UBE4B: variants seen among roughly 807,000 people sequenced by gnomAD.
UBE4B encodes ubiquitin conjugation factor E4 B.
A neutral mutation model predicts 148.1 loss-of-function variants in UBE4B; 27 were observed. The observed-to-expected ratio is 0.18, with a 90% confidence interval of 0.13 to 0.25. The LOEUF (loss-of-function observed/expected upper bound fraction) is 0.25, where lower values mean the gene tolerates loss of function less well. Ranked by LOEUF, UBE4B falls within the 10% of genes least tolerant of loss-of-function variation. The probability of loss-of-function intolerance (pLI) is 1.00; values close to 1 mark genes in which losing one functional copy is unlikely to be tolerated. For missense variants in UBE4B, 1,170 were observed against 1,662.4 expected, an observed-to-expected ratio of 0.70 and a Z score of 5.15; for synonymous variants, 596 against 619.3, an observed-to-expected ratio of 0.96 and a Z score of 0.56.
intron 1 of UBE4B, among the ~76,000 whole-genome samples, chr1:10,042,856 A>T (rs919118185): frequency 3.9e-5 from 6 of 152,004 alleles, no homozygotes; most frequent in African/African-American, 1.5e-4. Context: ...TTGCTCGGGG[A>T]AGAATGTTCC....
rs1180455497 is a variant in UBE4B at position 10,106,250 on chromosome 1, T to C, written c.863T>C (p.Val288Ala). Residue 288 changes from valine (V) to alanine (A), a missense_variant, in exon 7 of 28, where the codon GTG (valine) becomes GCG (alanine). Physicochemically the swap from Val to Ala is moderately conservative, Grantham distance 64. Coordinates refer to ENST00000343090, the MANE Select transcript of UBE4B (RefSeq NM_001105562.3). This position sits in a 1 kb window ranked among gnomAD's most constrained non-coding sequence, Gnocchi z 4.2. ...PTPSFWSSVP[V>A]MGPSLASPSR... ...CCCAGTTTCTGGAGCTCTGTTCCCG[T>C]GATGGGCCCGTCTCTTGCCTCACCT... The C allele has an allele frequency of 1.9e-6, 3 of 1,613,922 alleles. No homozygotes were observed. The South Asian group carries it at 3.3e-5, about 18-fold the overall frequency.
chr1:10,074,525 C>G (rs1480703619), intron 2 of UBE4B, among the ~76,000 whole-genome samples: 1 of 152,184 alleles, frequency 6.6e-6, no homozygotes, highest in African/African-American at 2.4e-5. Flanking sequence ...TGCCCTTGCA[C>G]TCTTTGCTGA....
At chr1:10,160,194 C>G (rs1179831106) in intron 22 of UBE4B, among the ~76,000 whole-genome samples, 2 of 152,166 alleles carry the variant, frequency 1.3e-5, no homozygotes, top group Non-Finnish European at 2.9e-5. Flanking sequence ...CAGAACAGTT[C>G]CTTAGATTGG....
intron 2 of UBE4B, among the ~76,000 whole-genome samples, chr1:10,086,974 C>T (rs1644776031): frequency 6.6e-6 from 1 of 152,108 alleles, no homozygotes; most frequent in African/African-American, 2.4e-5. Context: ...GCCTGGCCTC[C>T]CCGTCTCTTT....
intron 21 of UBE4B, among the ~76,000 whole-genome samples, chr1:10,154,340 C>T (rs910431310): frequency 5.9e-5 from 9 of 151,792 alleles, no homozygotes; most frequent in African/African-American, 2.2e-4. Context: ...ATAGCTTGAA[C>T]CCGGGAGGTG....
At chr1:10,165,726 G>T (rs528116231) in intron 23 of UBE4B, among the ~76,000 whole-genome samples, 1 of 151,894 alleles carries the variant, frequency 6.6e-6, no homozygotes, top group Admixed American at 6.6e-5. Context: ...CAGATTTTCC[G>T]ACTCCTTCAG....
At chr1:10,139,821 C>G (rs896140964) in intron 17 of UBE4B, among the ~76,000 whole-genome samples, 3 of 152,196 alleles carry the variant, frequency 2.0e-5, no homozygotes, top group African/African-American at 7.2e-5. Flanking sequence ...CTCTGCCTCC[C>G]AGGTTCAAGT....
At position 10,102,934 on chromosome 1, in the gene UBE4B, T is replaced by C. The variant is rs769753754; in HGVS notation, c.436-14T>C. 6.3e-7 allele frequency: 1 copy of C among 1,595,990 alleles called. No homozygotes were observed. Among genetic ancestry groups the C allele is most frequent in the Non-Finnish European group, 8.6e-7 (1 of 1,168,290 alleles). ...CTTATTTGAAATTAACCTGCAAATC[T>C]TCTTCTTCACCAGGAGCCTTCCTCG... On this transcript the variant is annotated splice_polypyrimidine_tract_variant and intron_variant, in intron 4 of 27. Transcript: ENST00000343090.
In UBE4B at chr1:10,175,305, G is replaced by C. The variant is rs566751597; in HGVS notation, c.3526-3339G>C. On this transcript the variant is annotated intron_variant, in intron 25 of 27. Coordinates refer to ENST00000343090, the MANE Select transcript of UBE4B (RefSeq NM_001105562.3). The stretch of plus-strand genomic sequence containing the variant: ...ATCTGTCGTCCATGAAGCATTGTCT[G>C]TTAACACCATTTTCCATTAAAAAAG... Among the ~76,000 whole-genome samples the C allele has an allele frequency of 2.0e-5, 3 of 152,170 alleles. 1 individual carries two copies. The highest frequency in any genetic ancestry group is 4.1e-4 in the South Asian group (2 of 4,822).
chr1:10,142,238 T>C (rs181057282), intron 17 of UBE4B, among the ~76,000 whole-genome samples: 2 of 152,286 alleles, frequency 1.3e-5, no homozygotes, highest in East Asian at 3.9e-4. Flanking sequence ...CCCCATTTTT[T>C]TCATGAAGGC....
At chr1:10,128,640 C>T (rs1645541588) in intron 11 of UBE4B, 1 of 152,234 alleles carries the variant, frequency 6.6e-6, no homozygotes, top group Admixed American at 6.5e-5. Flanking sequence ...GCAGTGAGAA[C>T]GCTTCCTTCT....
intron 1 of UBE4B, among the ~76,000 whole-genome samples, chr1:10,052,473 T>C (rs952307323): frequency 6.6e-6 from 1 of 152,138 alleles, no homozygotes; most frequent in African/African-American, 2.4e-5. Flanking sequence ...GGGTAGATCA[T>C]ATTGAGCACC....
intron 1 of UBE4B, among the ~76,000 whole-genome samples, chr1:10,046,338 G>A (rs922326932): frequency 7.9e-5 from 12 of 152,122 alleles, no homozygotes; most frequent in Non-Finnish European, 1.5e-4. Context: ...AGACAACCCC[G>A]GATCAACTTC....
chr1:10,090,086 A>G (rs371106344), intron 2 of UBE4B, among the ~76,000 whole-genome samples: 34 of 151,852 alleles, frequency 2.2e-4, no homozygotes, highest in African/African-American at 8.2e-4. Context: ...TAAAGGAATT[A>G]CAGCATTATG....
At chr1:10,107,582 T>TC (rs1394461623) in intron 7 of UBE4B, among the ~76,000 whole-genome samples, 1 of 149,406 alleles carries the variant, frequency 6.7e-6, no homozygotes, top group East Asian at 1.9e-4. Flanking sequence ...CTTTCTTTTT[T>TC]TTTTTTTTTT....
intron 2 of UBE4B, among the ~76,000 whole-genome samples, chr1:10,094,378 G>T (rs1488456388): frequency 2.0e-5 from 3 of 150,858 alleles, no homozygotes; most frequent in Non-Finnish European, 4.4e-5. Context: ...ATACAGTAAA[G>T]TTGAGAGAAT....
chr1:10,081,745 C>T (rs763434032), intron 2 of UBE4B, among the ~76,000 whole-genome samples: 13 of 152,186 alleles, frequency 8.5e-5, no homozygotes, highest in Admixed American at 1.3e-4. Flanking sequence ...CTGGCCACCA[C>T]GCCCAATTAA....
chr1:10,047,612 C>T (rs1361744113), intron 1 of UBE4B, among the ~76,000 whole-genome samples: 1 of 151,684 alleles, frequency 6.6e-6, no homozygotes, highest in Non-Finnish European at 1.5e-5. Context: ...CCTGCCTCAG[C>T]CTCCCGAGTA....
chr1:10,145,106 T>C lies in UBE4B; in HGVS notation c.2463+67T>C, dbSNP rs924252397. 8.8e-6 allele frequency: 11 copies of C among 1,249,952 alleles called. No individual in the cohort carries two copies. The African/African-American group carries it at 1.6e-4, about 19-fold the overall frequency. The allele number at this position is 1,249,952 out of a possible 1,614,324, so 77.4% of individuals were successfully genotyped here. A position where few individuals can be genotyped will look rare whatever the true frequency, so the allele number is the denominator to read the frequency against. On this transcript the variant is annotated intron_variant, in intron 18 of 27. Transcript: ENST00000343090. The stretch of plus-strand genomic sequence containing the variant: ...GTGATAATTTTCCCAACAGAATATA[T>C]GCCTTGAGTGAGCAGTTTAGTGTCC...
Sources: allele counts gnomAD v4.1 joint callset (sites outside exome capture counted in the v4.1 genomes callset), GRCh38; gene constraint gnomAD v4.1.1; non-coding constraint Gnocchi (gnomAD v3.1); transcripts MANE v1.5; gene names NCBI Gene and HGNC (gene_info 2026-07-23, HGNC 2026-07-21).